The following EDAR variants were observed in gnomAD, a reference collection of about 807,000 sequenced individuals.
EDAR encodes tumor necrosis factor receptor superfamily member EDAR.
Under a neutral mutation model 51.3 loss-of-function variants are expected in EDAR, and 38 were observed. That is an observed-to-expected ratio of 0.74 (90% CI 0.57 to 0.97). The LOEUF (loss-of-function observed/expected upper bound fraction) is 0.97, where lower values mean the gene tolerates loss of function less well. Among genes scored for constraint, EDAR ranks in the 50% least tolerant of loss-of-function variants. The probability of loss-of-function intolerance (pLI) is 0.00; values close to 1 mark genes in which losing one functional copy is unlikely to be tolerated. For synonymous variants in EDAR, 227 were observed against 242.1 expected, an observed-to-expected ratio of 0.94 and a Z score of 0.58; for missense variants, 528 against 595.0, an observed-to-expected ratio of 0.89 and a Z score of 1.17.
intron 1 of EDAR, among the ~76,000 whole-genome samples, chr2:108,981,662 T>C (rs1157196217): frequency 6.6e-6 from 1 of 152,040 alleles, no homozygotes; most frequent in Admixed American, 6.5e-5. Context: ...ACACCCGAGA[T>C]AGTTATGATA....
chr2:108,919,470 T>G (rs922162745), intron 5 of EDAR, among the ~76,000 whole-genome samples: 1 of 152,192 alleles, frequency 6.6e-6, no homozygotes, highest in Admixed American at 6.5e-5. Flanking sequence ...GTGATTCTCC[T>G]GCCTCAGCCT....
intron 1 of EDAR, among the ~76,000 whole-genome samples, chr2:108,941,052 A>G (rs774035420): frequency 5.9e-5 from 9 of 152,146 alleles, no homozygotes; most frequent in Non-Finnish European, 1.0e-4. Flanking sequence ...GGTCATCACT[A>G]TAAATTTAAA....
intron 1 of EDAR, among the ~76,000 whole-genome samples, chr2:108,954,158 C>T (rs371638953): frequency 6.6e-6 from 1 of 152,092 alleles, no homozygotes; most frequent in Admixed American, 6.5e-5. Flanking sequence ...TAAAATCCTG[C>T]AGTTATGGCA....
At chr2:108,957,715 C>T (rs1038022736) in intron 1 of EDAR, among the ~76,000 whole-genome samples, 3 of 152,256 alleles carry the variant, frequency 2.0e-5, no homozygotes, top group African/African-American at 7.2e-5. Context: ...CCAGGCGAGG[C>T]TAGTGGAGGT....
At chr2:108,984,647 C>G (rs1453235680) in intron 1 of EDAR, among the ~76,000 whole-genome samples, 2 of 152,160 alleles carry the variant, frequency 1.3e-5, no homozygotes, top group African/African-American at 4.8e-5. Context: ...GCCCCCACTA[C>G]TACCCTGGGC....
chr2:108,910,904 G>A (rs181034518), intron 7 of EDAR, 43 bp downstream of exon 7: 32 of 1,613,982 alleles, frequency 2.0e-5, no homozygotes, highest in Middle Eastern at 1.7e-4. Flanking sequence ...GGGAGTTGAC[G>A]GAGAGTCCAG....
chr2:108,921,167 T>C (rs1574379612), intron 5 of EDAR, among the ~76,000 whole-genome samples: 1 of 151,982 alleles, frequency 6.6e-6, no homozygotes, highest in Non-Finnish European at 1.5e-5. Flanking sequence ...TAGGAGGTAA[T>C]TGCATTGCAC....
At chr2:108,919,719 T>C (rs1261842313) in intron 5 of EDAR, among the ~76,000 whole-genome samples, 4 of 152,146 alleles carry the variant, frequency 2.6e-5, no homozygotes, top group African/African-American at 9.7e-5. Context: ...GGGTGCCTTC[T>C]CGGGTTTGAA....
chr2:108,905,337 GC>G (rs1292350929), intron 11 of EDAR, among the ~76,000 whole-genome samples: 2 of 152,208 alleles, frequency 1.3e-5, no homozygotes, highest in African/African-American at 4.8e-5. Flanking sequence ...GCAGCTGACA[GC>G]CCCAGGCCAT....
intron 1 of EDAR, among the ~76,000 whole-genome samples, chr2:108,938,521 G>T (rs569107500): frequency 6.6e-6 from 1 of 152,320 alleles, no homozygotes; most frequent in East Asian, 1.9e-4. Context: ...TATCCATGCA[G>T]AAGTTCAGAG....
At chr2:108,954,692 C>T (rs374059) in intron 1 of EDAR, among the ~76,000 whole-genome samples, 45,594 of 147,694 alleles carry the variant, frequency 0.31, 10,682 homozygotes, top group East Asian at 0.95. Flanking sequence ...TTTTTTTTTT[C>T]TGAGACAGAG....
At chr2:108,986,356 C>T (rs780641449) in intron 1 of EDAR, among the ~76,000 whole-genome samples, 31 of 152,128 alleles carry the variant, frequency 2.0e-4, no homozygotes, top group Non-Finnish European at 2.6e-4. Flanking sequence ...GGGGCTGACA[C>T]GACCCTGGGA....
chr2:108,981,004 T>C (rs1369362132), intron 1 of EDAR, among the ~76,000 whole-genome samples: 6 of 152,168 alleles, frequency 3.9e-5, no homozygotes, highest in African/African-American at 1.4e-4. Context: ...CAGGCAGAGG[T>C]TGAGCTGACC....
Position 108,931,295 on chromosome 2 carries a change from C to T in EDAR, c.-18-263G>A, listed in dbSNP as rs535316402. On this transcript the variant is annotated intron_variant, in intron 1 of 11. Transcript: ENST00000258443. Reference sequence around the variant, plus strand: ...CACACGGAGGGCCCAAGGTTAAACCCGAGGTTAGTGATTGTGTTTCTCGTG... The same window carrying T: ...CACACGGAGGGCCCAAGGTTAAACCTGAGGTTAGTGATTGTGTTTCTCGTG... Among the ~76,000 whole-genome samples the T allele has an allele frequency of 2.6e-4, 39 of 152,310 alleles. 1 individual carries two copies. Among genetic ancestry groups the T allele is most frequent in the South Asian group, 1.5e-3 (7 of 4,822 alleles).
chr2:108,951,405 C>T (rs147579256), intron 1 of EDAR, among the ~76,000 whole-genome samples: 3 of 152,310 alleles, frequency 2.0e-5, no homozygotes, highest in African/African-American at 7.2e-5. Flanking sequence ...TACAGGAATT[C>T]GACCAGAAAG....
chr2:108,894,590 G>A lies in EDAR; in HGVS notation c.*2317C>T, dbSNP rs532074375. 6.6e-6 allele frequency: 1 copy of A among 152,660 alleles called. No homozygotes were observed. The highest frequency in any genetic ancestry group is 2.4e-5 in the African/African-American group (1 of 41,540). The allele number at this position is 152,660 out of a possible 1,614,324, so 9.5% of individuals were successfully genotyped here. A position where few individuals can be genotyped will look rare whatever the true frequency, so the allele number is the denominator to read the frequency against. On this transcript the variant is annotated 3_prime_UTR_variant, in exon 12 of 12. Coordinates refer to ENST00000258443, the MANE Select transcript of EDAR (RefSeq NM_022336.4). ...CTAAGGGCCACAGACCTACCCTGGG[G>A]TGTTTTCTAAATGTTTTAAAGTATT...
chr2:108,897,225 A>G lies in EDAR; in HGVS notation c.1029T>C (p.Leu343=), dbSNP rs1020417678. The change falls in exon 12 of 12, where the codon CTT becomes CTC. Residue 343 remains leucine, a synonymous_variant. Coordinates refer to ENST00000258443, the MANE Select transcript of EDAR (RefSeq NM_022336.4). ...AATCAAATGGCAGCTCCGTGGGGCT[A>G]AGACCTACAGACACCAATGGCCACA... ...YANVCGVVEG[L]SPTELPFDCL... is the part of the protein sequence containing the mutation. 1.2e-6 allele frequency: 2 copies of G among 1,613,700 alleles called. No homozygotes were observed.
chr2:108,971,210 G>A (rs370552941), intron 1 of EDAR, among the ~76,000 whole-genome samples: 2 of 152,102 alleles, frequency 1.3e-5, no homozygotes, highest in East Asian at 3.8e-4. Context: ...CATGAGGGTG[G>A]GAATCATCTT....
rs1181378221 is a variant in EDAR, at chr2:108,923,368, A to T, written c.442T>A (p.Cys148Ser). The T allele has an allele frequency of 2.4e-5, 38 of 1,614,080 alleles. No homozygotes were observed. The highest frequency in any genetic ancestry group is 2.9e-5 in the Non-Finnish European group (34 of 1,179,908). ...CTGGTGGAAGGACAAAGACACTCAC[A>T]TTCCTTGGTGTTGGGGGGTGCCAGG... ...CLLAPPNTKE[C>S]VGATSGASAN... is the part of the protein sequence containing the mutation. Residue 148 changes from cysteine to serine, a missense_variant and splice_region_variant, in exon 5 of 12, where the codon TGT (cysteine) becomes AGT (serine). Coordinates refer to ENST00000258443, the MANE Select transcript of EDAR (RefSeq NM_022336.4).
Sources: gnomAD v4.1 joint callset for allele counts (sites outside exome capture counted in the v4.1 genomes callset) on GRCh38, gnomAD v4.1.1 for gene constraint, MANE v1.5 for transcripts, NCBI Gene and HGNC (gene_info 2026-07-23, HGNC 2026-07-21) for gene names.